The following FAT3 variants were observed in gnomAD, a reference collection of about 807,000 sequenced individuals.
The protein encoded by FAT3 is protocadherin Fat 3.
A neutral mutation model predicts 310.2 loss-of-function variants in FAT3; 95 were observed. That is an observed-to-expected ratio of 0.31 (90% CI 0.26 to 0.36). FAT3 has a LOEUF of 0.36. Ranked by LOEUF, FAT3 falls within the 10% of genes least tolerant of loss-of-function variation. The pLI is 1.00. For synonymous variants in FAT3, 2,314 were observed against 2,192.9 expected, an observed-to-expected ratio of 1.06 and a Z score of -1.54; for missense variants, 5,408 against 5,715.6, an observed-to-expected ratio of 0.95 and a Z score of 1.74.
chr11:92,474,986 G>A (rs1952009629), intron 2 of FAT3, among the ~76,000 whole-genome samples: 1 of 152,174 alleles, frequency 6.6e-6, no homozygotes, highest in Non-Finnish European at 1.5e-5. Flanking sequence ...CAGGCCTCAT[G>A]GGCACATTGC....
In FAT3 at chr11:92,486,129, G is replaced by GTTTTTTTTTTTTT. The variant is rs1565353395; in HGVS notation, c.3293-38505_3293-38504insTTTTTTTTTTTTT. On this transcript the variant is annotated intron_variant, in intron 2 of 27. Transcript: ENST00000525166. Reference sequence around the variant, plus strand: ...TGTGAAATAGAGGAGAGGCTGCTGGGGTTTTTTTTTTTTTTTTTTTTTTTT... The same window carrying GTTTTTTTTTTTTT: ...TGTGAAATAGAGGAGAGGCTGCTGGGTTTTTTTTTTTTTGTTTTTTTTTTTTTTTTTTTTTTTT... Among the ~76,000 whole-genome samples the GTTTTTTTTTTTTT allele has an allele frequency of 1.8e-3, 51 of 27,676 alleles. 2 individuals are homozygous for GTTTTTTTTTTTTT. Among genetic ancestry groups the GTTTTTTTTTTTTT allele is most frequent in the African/African-American group, 4.0e-3 (47 of 11,782 alleles). The allele number at this position is 27,676 out of a possible 152,430, so 18.2% of individuals were successfully genotyped here. A position where few individuals can be genotyped will look rare whatever the true frequency, so the allele number is the denominator to read the frequency against.
In FAT3 at chr11:92,888,057, G is replaced by C. The variant is rs1009343758; in HGVS notation, c.13051+944G>C. Among the ~76,000 whole-genome samples the C allele has an allele frequency of 2.0e-5, 3 of 152,136 alleles. No homozygotes were observed. The South Asian group carries it at 6.2e-4, about 32-fold the overall frequency. ...TTTCCCAGAGTACAAAATGAGAAAGGCATAGCCCTTGTCTTCAAGGCAAAT... is the reference window on the plus strand; with the variant it reads ...TTTCCCAGAGTACAAAATGAGAAAGCCATAGCCCTTGTCTTCAAGGCAAAT... On this transcript the variant is annotated intron_variant, in intron 25 of 27. Coordinates refer to ENST00000525166, the MANE Select transcript of FAT3 (RefSeq NM_001367949.2).
At chr11:92,767,075 C>T (rs556379836) in intron 6 of FAT3, among the ~76,000 whole-genome samples, 115 of 152,150 alleles carry the variant, frequency 7.6e-4, no homozygotes, top group African/African-American at 2.7e-3. Flanking sequence ...ATGGCGAAAC[C>T]CCATCTCTAC....
chr11:92,782,474 T>C (rs1946778567), intron 7 of FAT3, among the ~76,000 whole-genome samples: 1 of 152,080 alleles, frequency 6.6e-6, no homozygotes, highest in South Asian at 2.1e-4. Flanking sequence ...GCTACTTGGA[T>C]GGCAGGATGA....
chr11:92,780,365 G>A (rs934332820), intron 7 of FAT3, among the ~76,000 whole-genome samples: 18 of 152,002 alleles, frequency 1.2e-4, no homozygotes, highest in African/African-American at 2.4e-4. Flanking sequence ...TTTTTACCAC[G>A]TTGCCCAAGC....
At position 92,354,986 on chromosome 11, in the gene FAT3, T is replaced by G. The variant is rs1184804864; in HGVS notation, c.2874T>G (p.Leu958=). ...CTGTTGGCACTGTCATTGCTTGGCTTGAGACCCATGATCCAGATCTTGGAC... is the reference window on the plus strand; with the variant it reads ...CTGTTGGCACTGTCATTGCTTGGCTGGAGACCCATGATCCAGATCTTGGAC... ...DLPVGTVIAW[L]ETHDPDLGLG... Residue 958 remains leucine, a synonymous_variant, in exon 2 of 28, where the codon CTT becomes CTG. Transcript: ENST00000525166. The G allele has an allele frequency of 6.2e-7, 1 of 1,613,858 alleles. No homozygotes were observed. The highest frequency in any genetic ancestry group is 1.3e-5 in the African/African-American group (1 of 75,038).
At chr11:92,722,819 G>A (rs1396586543) in intron 4 of FAT3, among the ~76,000 whole-genome samples, 1 of 152,212 alleles carries the variant, frequency 6.6e-6, no homozygotes, top group East Asian at 1.9e-4. Context: ...CATGGCCTGA[G>A]CTCTATGTTG....
chr11:92,757,541 G>T (rs1043162654), intron 4 of FAT3, among the ~76,000 whole-genome samples: 4 of 152,140 alleles, frequency 2.6e-5, no homozygotes, highest in Non-Finnish European at 5.9e-5. Context: ...TCGAAGGGAG[G>T]TTTCAGGCCT....
chr11:92,366,802 T>C (rs1949034243), intron 2 of FAT3: 1 of 532,320 alleles, frequency 1.9e-6, no homozygotes, highest in African/African-American at 1.9e-5. Context: ...CACAGGAAGG[T>C]AGCTGATCTT....
At position 92,353,470 on chromosome 11, in the gene FAT3, A is replaced by T; in HGVS notation, c.1358A>T (p.Asp453Val). The T allele has an allele frequency of 6.2e-7, 1 of 1,613,476 alleles. No individual in the cohort carries two copies. Among genetic ancestry groups the T allele is most frequent in the Non-Finnish European group, 8.5e-7 (1 of 1,179,706 alleles). Residue 453 changes from aspartate (D) to valine (V), a missense_variant, in exon 2 of 28, where the codon GAT (aspartate) becomes GTT (valine). Physicochemically the swap from Asp to Val is radical, Grantham distance 152 (BLOSUM62 -3). Coordinates refer to ENST00000525166, the MANE Select transcript of FAT3 (RefSeq NM_001367949.2). ...YKLEVTNKEG[D>V]LKAQVTISIE... The stretch of plus-strand genomic sequence containing the variant: ...CTGGAGGTGACAAACAAGGAAGGAG[A>T]TTTAAAAGCACAGGTCACCATCAGC...
chr11:92,433,964 C>T (rs1251387738), intron 2 of FAT3, among the ~76,000 whole-genome samples: 23 of 146,734 alleles, frequency 1.6e-4, no homozygotes, highest in African/African-American at 5.5e-4. Context: ...TGCAGTAAGC[C>T]GAGATTGCGC....
intron 1 of FAT3, among the ~76,000 whole-genome samples, chr11:92,240,291 C>T (rs1173503690): frequency 5.9e-5 from 9 of 151,976 alleles, no homozygotes; most frequent in Non-Finnish European, 1.3e-4. Context: ...AGCTTGGAAA[C>T]ATTTTCCTTT....
rs530519129 is a variant in FAT3 at position 92,721,351 on chromosome 11, C to T, written c.3669+23906C>T. Among the ~76,000 whole-genome samples the T allele has an allele frequency of 5.9e-5, 9 of 152,160 alleles. No individual in the cohort carries two copies. In the East Asian group the frequency reaches 1.7e-3, roughly 29 times the overall value. On this transcript the variant is annotated intron_variant, in intron 4 of 27. Coordinates refer to ENST00000525166, the MANE Select transcript of FAT3 (RefSeq NM_001367949.2). ...ATTTGATTATCATGGTGTGAGTGCC[C>T]AACTCTGTAAATATATAAAAACAAT...
intron 3 of FAT3, among the ~76,000 whole-genome samples, chr11:92,553,494 T>C (rs922749157): frequency 6.6e-6 from 1 of 152,196 alleles, no homozygotes; most frequent in Non-Finnish European, 1.5e-5. Context: ...GTTCTGTAGG[T>C]TACCGGGCAT....
chr11:92,870,241 C>T (rs1949353548), intron 22 of FAT3, among the ~76,000 whole-genome samples: 1 of 152,132 alleles, frequency 6.6e-6, no homozygotes, highest in African/African-American at 2.4e-5. Context: ...TCTGCCCCAA[C>T]CATCTCTAAG....
At chr11:92,807,081 C>T (rs1363639656) in intron 12 of FAT3, among the ~76,000 whole-genome samples, 1 of 152,086 alleles carries the variant, frequency 6.6e-6, no homozygotes, top group Non-Finnish European at 1.5e-5. Flanking sequence ...TTTCTCTTCT[C>T]TGGTGGTGAA....
At chr11:92,486,146 T>TTG (rs1179987128) in intron 2 of FAT3, among the ~76,000 whole-genome samples, 1 of 140,680 alleles carries the variant, frequency 7.1e-6, no homozygotes, top group African/African-American at 2.6e-5. Flanking sequence ...TTTTTTTTTT[T>TTG]TTTTTTTTTT....
chr11:92,373,760 G>GCACACACACACACA (rs57651290), intron 2 of FAT3, among the ~76,000 whole-genome samples: 4 of 129,996 alleles, frequency 3.1e-5, no homozygotes, highest in African/African-American at 8.1e-5. Context: ...AGATATGTAT[G>GCACACACACACACA]CACACACACA....
chr11:92,610,074 ATAT>A (rs1005924457), intron 3 of FAT3, among the ~76,000 whole-genome samples: 1 of 152,152 alleles, frequency 6.6e-6, no homozygotes, highest in African/African-American at 2.4e-5. Flanking sequence ...AAGTAAGTCG[ATAT>A]TATGTGAAAA....
Sources: allele counts gnomAD v4.1 joint callset (sites outside exome capture counted in the v4.1 genomes callset), GRCh38; gene constraint gnomAD v4.1.1; transcripts MANE v1.5; gene names NCBI Gene and HGNC (gene_info 2026-07-23, HGNC 2026-07-21).